The following CEP63 variants were observed in gnomAD, a reference collection of about 807,000 sequenced individuals.
The protein encoded by CEP63 is centrosomal protein 63.
A neutral mutation model predicts 89.1 loss-of-function variants in CEP63; 84 were observed. That is an observed-to-expected ratio of 0.94 (90% CI 0.79 to 1.13). The LOEUF is 1.13. Ranked by LOEUF, CEP63 falls within the 50% of genes most tolerant of loss-of-function variation. The pLI is 0.00. For missense variants in CEP63, 838 were observed against 813.3 expected (o/e 1.03, Z -0.37); for synonymous variants, 267 against 272.5 (o/e 0.98, Z 0.20).
chr3:134,616,572 A>G, the CEP63 span, among the ~76,000 whole-genome samples: 1 of 152,218 alleles, frequency 6.6e-6, no homozygotes, highest in African/African-American at 2.4e-5. Flanking sequence ...AGCTATTGCT[A>G]CACATCTCAG....
the CEP63 span, chr3:134,604,131 C>G: frequency 6.2e-7 from 1 of 1,608,268 alleles, no homozygotes; most frequent in South Asian, 1.1e-5. Context: ...TGGAGCAGCG[C>G]CCGTCGCTGG....
chr3:134,619,082 A>C, the CEP63 span: 1 of 1,331,714 alleles, frequency 7.5e-7, no homozygotes, highest in Non-Finnish European at 1.1e-6. Flanking sequence ...GCAAAGGCAC[A>C]TGGCACTGTG....
chr3:134,604,074 G>A, the CEP63 span: 855 of 1,613,742 alleles, frequency 5.3e-4, 6 homozygotes, highest in East Asian at 0.014. Context: ...CATCATCCCC[G>A]TGGAGGGAAG....
chr3:134,603,661 T>C, the CEP63 span: 6 of 1,613,722 alleles, frequency 3.7e-6, no homozygotes, highest in Non-Finnish European at 5.1e-6. Context: ...ATAGACTTCC[T>C]GGCAGCCAGC....
the CEP63 span, among the ~76,000 whole-genome samples, chr3:134,671,748 G>A: frequency 6.6e-6 from 1 of 152,220 alleles, no homozygotes; most frequent in Non-Finnish European, 1.5e-5. Flanking sequence ...CACAGGGGTG[G>A]CAGAGTGGTG....
the CEP63 span, among the ~76,000 whole-genome samples, chr3:134,660,945 T>C: frequency 4.6e-5 from 7 of 152,148 alleles, no homozygotes; most frequent in Non-Finnish European, 1.0e-4. Context: ...ATTGTGATGC[T>C]TGGAGTCTGT....
the CEP63 span, among the ~76,000 whole-genome samples, chr3:134,637,346 C>T: frequency 1.3e-5 from 2 of 152,188 alleles, no homozygotes; most frequent in Non-Finnish European, 2.9e-5. Flanking sequence ...CTTTCTCCAC[C>T]TCAAACCCTC....
chr3:134,663,707 G>A, the CEP63 span, among the ~76,000 whole-genome samples: 2 of 28,216 alleles, frequency 7.1e-5, no homozygotes, highest in South Asian at 6.5e-3. Flanking sequence ...CGGGGCCCCA[G>A]AGGGGCCAGG....
Position 134,558,161 on chromosome 3 carries a change from C to T in CEP63, c.1487C>T (p.Ala496Val). 6.2e-7 allele frequency: 1 copy of T among 1,613,308 alleles called. No individual in the cohort carries two copies. The highest frequency in any genetic ancestry group is 8.5e-7 in the Non-Finnish European group (1 of 1,179,430). Reference protein sequence around the residue: ...GLHEAKEISLADLQENYIEAL... With the variant: ...GLHEAKEISLVDLQENYIEAL... ...TATTAGGCAAAAGAGATTTCACTAGCAGACCTCCAGGAGAATTATATTGAG... is the reference window on the plus strand; with the variant it reads ...TATTAGGCAAAAGAGATTTCACTAGTAGACCTCCAGGAGAATTATATTGAG... The change falls in exon 13 of 15, where the codon GCA becomes GTA. Residue 496 changes from alanine to valine, a missense_variant. By Grantham distance (64) the Ala-to-Val change is moderately conservative. Coordinates refer to ENST00000675561, the MANE Select transcript of CEP63 (RefSeq NM_001353108.3).
chr3:134,712,289 T>C, the CEP63 span, among the ~76,000 whole-genome samples: 15 of 152,172 alleles, frequency 9.9e-5, no homozygotes, highest in Admixed American at 9.2e-4. Context: ...TGGTAATTTT[T>C]CCCCCTCTTT....
chr3:134,672,667 C>G, the CEP63 span, among the ~76,000 whole-genome samples: 2 of 152,214 alleles, frequency 1.3e-5, no homozygotes, highest in Non-Finnish European at 2.9e-5. Context: ...TCTTCCCAAT[C>G]TCTCCCTTGC....
At chr3:134,521,145 A>G (rs1284479741) in intron 3 of CEP63, among the ~76,000 whole-genome samples, 3 of 152,182 alleles carry the variant, frequency 2.0e-5, no homozygotes, top group South Asian at 2.1e-4. Flanking sequence ...GAAGATATCA[A>G]AATGACCAGC....
chr3:134,716,192 G>A, the CEP63 span, among the ~76,000 whole-genome samples: 3 of 152,098 alleles, frequency 2.0e-5, no homozygotes, highest in Admixed American at 6.5e-5. Context: ...TACTCTGTCC[G>A]ATTCTCTTGC....
At chr3:134,740,772 CT>C in the CEP63 span, among the ~76,000 whole-genome samples, 2 of 152,160 alleles carry the variant, frequency 1.3e-5, no homozygotes, top group Non-Finnish European at 2.9e-5. Flanking sequence ...CTTCTTTGCT[CT>C]CTGGTCCCTC....
At chr3:134,587,012 A>C (rs1958498506) in intron 10 of CEP63, among the ~76,000 whole-genome samples, 1 of 152,170 alleles carries the variant, frequency 6.6e-6, no homozygotes, top group East Asian at 1.9e-4. Context: ...ATGCATCACG[A>C]AGTTCTCGTG....
At chr3:134,555,350 A>G (rs1429652968) in intron 12 of CEP63, among the ~76,000 whole-genome samples, 1 of 152,080 alleles carries the variant, frequency 6.6e-6, no homozygotes, top group Admixed American at 6.6e-5. Flanking sequence ...TTTGCAGACG[A>G]CATGATTGTA....
chr3:134,517,464 C>T (rs7429866), intron 3 of CEP63, among the ~76,000 whole-genome samples: 48,410 of 151,924 alleles, frequency 0.32, 7,987 homozygotes, highest in African/African-American at 0.36. Flanking sequence ...GCATGATCAG[C>T]GAACTTGACT....
At chr3:134,658,186 G>A in the CEP63 span, among the ~76,000 whole-genome samples, 1 of 152,180 alleles carries the variant, frequency 6.6e-6, no homozygotes, top group Non-Finnish European at 1.5e-5. Flanking sequence ...ATGAGCCACT[G>A]CGCCCGGCTG....
At chr3:134,610,173 C>A in the CEP63 span, 1 of 1,601,546 alleles carries the variant, frequency 6.2e-7, no homozygotes, top group Non-Finnish European at 8.5e-7. Context: ...AGACGCCCAG[C>A]AGAACTGAGA....
Sources: gnomAD v4.1 joint callset for allele counts (sites outside exome capture counted in the v4.1 genomes callset) on GRCh38, gnomAD v4.1.1 for gene constraint, MANE v1.5 for transcripts, NCBI Gene and HGNC (gene_info 2026-07-23, HGNC 2026-07-21) for gene names.